PTPRD: variants seen among roughly 807,000 people sequenced by gnomAD.
The protein encoded by PTPRD is receptor-type tyrosine-protein phosphatase delta.
In PTPRD, 34 loss-of-function variants were observed where a neutral mutation model predicts 214.5. That is an observed-to-expected ratio of 0.16 (90% CI 0.12 to 0.21). The LOEUF is 0.21. Among genes scored for constraint, PTPRD ranks in the 10% least tolerant of loss-of-function variants. The pLI, the probability that PTPRD is intolerant of heterozygous loss-of-function variation, is 1.00. For synonymous variants in PTPRD, 1,128 were observed against 845.7 expected (o/e 1.33, Z -5.79); for missense variants, 2,545 against 2,398.7 (o/e 1.06, Z -1.27).
intron 3 of PTPRD, among the ~76,000 whole-genome samples, chr9:10,224,183 T>C (rs115841859): frequency 0.014 from 2,104 of 152,094 alleles, 48 homozygotes; most frequent in African/African-American, 0.048. Context: ...GCTTACATTA[T>C]GTAAACCACT....
intron 7 of PTPRD, among the ~76,000 whole-genome samples, chr9:9,649,771 G>C (rs983744752): frequency 2.1e-4 from 32 of 152,126 alleles, no homozygotes; most frequent in Non-Finnish European, 8.8e-5. Flanking sequence ...TATTCTCTCA[G>C]TGCTACTGTC....
At chr9:8,633,532 T>C in intron 13 of PTPRD, 74 bp from the exon 14 acceptor site, 1 of 1,526,656 alleles carries the variant, frequency 6.6e-7, no homozygotes. Flanking sequence ...CTCAATACAG[T>C]GGTGGATCCG....
chr9:9,886,137 C>G (rs755471251), intron 5 of PTPRD, among the ~76,000 whole-genome samples: 1 of 151,882 alleles, frequency 6.6e-6, no homozygotes, highest in Non-Finnish European at 1.5e-5. Flanking sequence ...GAATGATGCC[C>G]AAGGGATATA....
intron 7 of PTPRD, among the ~76,000 whole-genome samples, chr9:9,658,956 C>T (rs1417270035): frequency 6.6e-6 from 1 of 151,894 alleles, no homozygotes; most frequent in African/African-American, 2.4e-5. Context: ...AATCACATTT[C>T]AAAGAAGTAG....
At chr9:8,598,266 A>C (rs1473488353) in intron 14 of PTPRD, among the ~76,000 whole-genome samples, 2 of 152,148 alleles carry the variant, frequency 1.3e-5, no homozygotes, top group African/African-American at 2.4e-5. Flanking sequence ...AGCCTGGCCA[A>C]CATGGTGAAA....
At position 10,130,965 on chromosome 9, in the gene PTPRD, G is replaced by C. The variant is rs373926282; in HGVS notation, c.-544-97175C>G. Reference sequence around the variant, plus strand: ...GAGCACAGAACATTCAGAAAAGAAAGGAAAGAATAGATCCCTAAAGCTCTA... The same window carrying C: ...GAGCACAGAACATTCAGAAAAGAAACGAAAGAATAGATCCCTAAAGCTCTA... On this transcript the variant is annotated intron_variant, in intron 3 of 45. Transcript: ENST00000381196. 4.6e-5 allele frequency among the ~76,000 whole-genome samples: 7 copies of C among 152,062 alleles called. No individual in the cohort carries two copies. The East Asian group carries it at 9.6e-4, about 21-fold the overall frequency.
intron 33 of PTPRD, 132 bp downstream of exon 33, chr9:8,460,279 T>A (rs1181346012): frequency 5.4e-6 from 6 of 1,110,644 alleles, no homozygotes; most frequent in Non-Finnish European, 8.2e-6. Flanking sequence ...GTAAACACTT[T>A]TCCAAAAATA....
At chr9:9,456,734 G>C (rs1210979268) in intron 8 of PTPRD, among the ~76,000 whole-genome samples, 4 of 151,624 alleles carry the variant, frequency 2.6e-5, no homozygotes, top group Admixed American at 1.3e-4. Flanking sequence ...AAAATTAATA[G>C]GGTCATTTTA....
At chr9:8,771,301 T>A (rs7023939) in intron 11 of PTPRD, among the ~76,000 whole-genome samples, 7,205 of 152,244 alleles carry the variant, frequency 0.047, 435 homozygotes, top group African/African-American at 0.14. Context: ...TTTCCCATTA[T>A]GGAGGAAAAC....
intron 14 of PTPRD, among the ~76,000 whole-genome samples, chr9:8,582,100 T>C (rs1462287563): frequency 1.3e-5 from 2 of 151,936 alleles, no homozygotes; most frequent in Admixed American, 6.6e-5. Flanking sequence ...AAAATGGTAA[T>C]GACAAATCAG....
chr9:9,402,627 A>AT (rs1162412862), intron 8 of PTPRD, among the ~76,000 whole-genome samples: 1 of 152,122 alleles, frequency 6.6e-6, no homozygotes, highest in Non-Finnish European at 1.5e-5. Context: ...GATCAAGATT[A>AT]GAAATACCAA....
intron 9 of PTPRD, among the ~76,000 whole-genome samples, chr9:9,244,616 C>T (rs2099972096): frequency 6.6e-6 from 1 of 152,272 alleles, no homozygotes; most frequent in South Asian, 2.1e-4. Context: ...CCCTTCCTTA[C>T]ACCTTATACA....
Position 8,548,676 on chromosome 9 carries a change from ATTTTTTTTTTTTTTTTTTTT to A in PTPRD, c.353-19917_353-19898del, listed in dbSNP as rs71317369. Among the ~76,000 whole-genome samples, 48 of 41,122 alleles carry A rather than the reference ATTTTTTTTTTTTTTTTTTTT, an allele frequency of 1.2e-3. 1 individual carries two copies. The highest frequency in any genetic ancestry group is 5.0e-3 in the South Asian group (4 of 796). 27.0% of individuals were successfully genotyped at this position (41,122 alleles called of 152,430 possible). ...AGCCATTGCACCCAGCTGGAGCTGG[ATTTTTTTTTTTTTTTTTTTT>A]TTTTTTTTTTTTTTTGAGACGGAGT... is the stretch of plus-strand genomic sequence containing the variant. On this transcript the variant is annotated intron_variant, in intron 14 of 45. Transcript: ENST00000381196.
intron 3 of PTPRD, among the ~76,000 whole-genome samples, chr9:10,118,550 A>C (rs2098749589): frequency 6.6e-6 from 1 of 151,846 alleles, no homozygotes; most frequent in African/African-American, 2.4e-5. Context: ...GAAGTGATAC[A>C]TGTAAATTTT....
At chr9:10,355,194 G>A (rs9298655) in intron 2 of PTPRD, among the ~76,000 whole-genome samples, 53,656 of 151,806 alleles carry the variant, frequency 0.35, 9,610 homozygotes, top group African/African-American at 0.4. Context: ...AAGTTATTAA[G>A]AAACGTATGA....
At chr9:10,540,922 G>T (rs2058965980) in intron 2 of PTPRD, among the ~76,000 whole-genome samples, 1 of 152,132 alleles carries the variant, frequency 6.6e-6, no homozygotes, top group Non-Finnish European at 1.5e-5. Flanking sequence ...CAGGGGTGTT[G>T]CAGGTCAGTG....
chr9:10,460,227 A>C (rs904637217), intron 2 of PTPRD, among the ~76,000 whole-genome samples: 2 of 152,148 alleles, frequency 1.3e-5, no homozygotes. Context: ...AAAAAAAATT[A>C]AATAGGACAC....
chr9:10,483,133 A>G (rs1349184507), intron 2 of PTPRD, among the ~76,000 whole-genome samples: 1 of 152,186 alleles, frequency 6.6e-6, no homozygotes, highest in Non-Finnish European at 1.5e-5. Flanking sequence ...AAACTCAAAT[A>G]CTTACAACCA....
chr9:10,098,778 A>G (rs1217300409), intron 3 of PTPRD, among the ~76,000 whole-genome samples: 1 of 151,798 alleles, frequency 6.6e-6, no homozygotes, highest in African/African-American at 2.4e-5. Flanking sequence ...GAAACTGCAC[A>G]TAAAACCAGT....
Sources: allele counts gnomAD v4.1 joint callset (sites outside exome capture counted in the v4.1 genomes callset), GRCh38; gene constraint gnomAD v4.1.1; transcripts MANE v1.5; gene names NCBI Gene and HGNC (gene_info 2026-07-23, HGNC 2026-07-21).